PLA2G5: variants seen among roughly 807,000 people sequenced by gnomAD.
The protein encoded by PLA2G5 is phospholipase A2 group V, also known as Ca2+-dependent phospholipase A2.
Under a neutral mutation model 15.9 loss-of-function variants are expected in PLA2G5, and 12 were observed. That is an observed-to-expected ratio of 0.76 (90% CI 0.48 to 1.23). The LOEUF (loss-of-function observed/expected upper bound fraction) is 1.23, where lower values mean the gene tolerates loss of function less well. Ranked by LOEUF, PLA2G5 falls within the 50% of genes most tolerant of loss-of-function variation. The pLI is 0.00. For synonymous variants in PLA2G5, 71 were observed against 71.4 expected (o/e 0.99, Z 0.03); for missense variants, 169 against 177.1 (o/e 0.95, Z 0.26).
At chr1:20,067,243 C>T (rs2015081821), upstream of PLA2G5, among the ~76,000 whole-genome samples, 1 of 152,162 alleles carries the variant, frequency 6.6e-6, no homozygotes, top group Non-Finnish European at 1.5e-5. Flanking sequence ...GATCCCACCT[C>T]AGTCTCCCAA....
intron 1 of PLA2G5, among the ~76,000 whole-genome samples, chr1:20,030,643 G>A (rs1357505083): frequency 6.6e-6 from 1 of 152,094 alleles, no homozygotes; most frequent in African/African-American, 2.4e-5. Context: ...TTCCCATGAG[G>A]CCATAGCTCA....
At chr1:20,051,753 A>G (rs1394044899) in intron 1 of PLA2G5, among the ~76,000 whole-genome samples, 1 of 152,190 alleles carries the variant, frequency 6.6e-6, no homozygotes, top group Non-Finnish European at 1.5e-5. Context: ...TGGAGCCAAT[A>G]AAAGCCCCTT....
intron 1 of PLA2G5, among the ~76,000 whole-genome samples, chr1:20,078,761 A>C (rs1459413524): frequency 1.3e-5 from 2 of 152,162 alleles, no homozygotes; most frequent in African/African-American, 4.8e-5. Context: ...CTACCATGAC[A>C]AGAGAGAGGG....
At chr1:20,034,004 G>A (rs929656203) in intron 1 of PLA2G5, among the ~76,000 whole-genome samples, 3 of 152,112 alleles carry the variant, frequency 2.0e-5, no homozygotes, top group Non-Finnish European at 4.4e-5. Flanking sequence ...TGGTTGATTT[G>A]GGACGGCCAA....
At chr1:20,079,794 T>C (rs1176534011) in intron 1 of PLA2G5, among the ~76,000 whole-genome samples, 1 of 152,222 alleles carries the variant, frequency 6.6e-6, no homozygotes, top group Admixed American at 6.5e-5. Context: ...ACTAAGTGGC[T>C]GAGCTGGGAC....
intron 1 of PLA2G5, among the ~76,000 whole-genome samples, chr1:20,082,431 G>T (rs2016081611): frequency 6.6e-6 from 1 of 151,818 alleles, no homozygotes. Flanking sequence ...TCATATACCA[G>T]TTAAATGCCG....
chr1:20,086,021 A>T, intron 2 of PLA2G5, 62 bp from the exon 3 acceptor site: 2 of 1,572,308 alleles, frequency 1.3e-6, no homozygotes, highest in Non-Finnish European at 1.7e-6. Flanking sequence ...GATGTTGGGC[A>T]GTGGGCCTAA....
chr1:20,059,936 T>G (rs539297033), intron 2 of PLA2G5, among the ~76,000 whole-genome samples: 22 of 152,320 alleles, frequency 1.4e-4, no homozygotes, highest in Admixed American at 3.9e-4. Flanking sequence ...GATGTGACTC[T>G]GGGAGTCTTT....
intron 1 of PLA2G5, among the ~76,000 whole-genome samples, chr1:20,081,223 T>G (rs1557751773): frequency 6.6e-6 from 1 of 151,738 alleles, no homozygotes; most frequent in Non-Finnish European, 1.5e-5. Context: ...TTAAAATAGC[T>G]GAGTCCACAT....
chr1:20,082,132 A>G lies in PLA2G5; in HGVS notation c.-10-2689A>G, dbSNP rs553860261. On this transcript the variant is annotated intron_variant, in intron 1 of 4. Coordinates refer to ENST00000375108, the MANE Select transcript of PLA2G5 (RefSeq NM_000929.3). Reference sequence around the variant, plus strand: ...AAGTGAAAGCTTATTAAAAAGCTTTAGAGCAGGGATGAAAAGAAGTAAAGT... The same window carrying G: ...AAGTGAAAGCTTATTAAAAAGCTTTGGAGCAGGGATGAAAAGAAGTAAAGT... Among the ~76,000 whole-genome samples the G allele has an allele frequency of 3.9e-5, 6 of 152,110 alleles. No individual in the cohort carries two copies. In the South Asian group the frequency reaches 6.2e-4, roughly 16 times the overall value.
chr1:20,064,176 A>G (rs574690596), intron 2 of PLA2G5, among the ~76,000 whole-genome samples: 46 of 152,360 alleles, frequency 3.0e-4, no homozygotes, highest in Non-Finnish European at 6.0e-4. Context: ...GATATGACTC[A>G]GGATGAAACA....
intron 1 of PLA2G5, among the ~76,000 whole-genome samples, chr1:20,056,433 G>A (rs1465700887): frequency 6.6e-6 from 1 of 151,956 alleles, no homozygotes; most frequent in East Asian, 1.9e-4. Context: ...AATAAATGCT[G>A]GACTTTGTAA....
intron 2 of PLA2G5, among the ~76,000 whole-genome samples, chr1:20,060,063 C>T (rs1354724509): frequency 1.3e-5 from 2 of 151,974 alleles, no homozygotes; most frequent in Non-Finnish European, 2.9e-5. Flanking sequence ...GTGAGAAAAG[C>T]CCAGCCCAGT....
chr1:20,030,764 G>A (rs140448438), intron 1 of PLA2G5, among the ~76,000 whole-genome samples: 13 of 152,256 alleles, frequency 8.5e-5, no homozygotes, highest in African/African-American at 3.1e-4. Context: ...CTAGAGAATG[G>A]TGATGACTTT....
At chr1:20,060,097 G>T (rs973320474) in intron 2 of PLA2G5, among the ~76,000 whole-genome samples, 1 of 152,108 alleles carries the variant, frequency 6.6e-6, no homozygotes, top group Non-Finnish European at 1.5e-5. Context: ...TGAAACATAG[G>T]TTGGAGGTCA....
At chr1:20,030,067 G>A (rs1028938909) in intron 1 of PLA2G5, among the ~76,000 whole-genome samples, 1 of 152,204 alleles carries the variant, frequency 6.6e-6, no homozygotes, top group East Asian at 1.9e-4. Flanking sequence ...GCTATTTCTC[G>A]TCAGGTGGGA....
chr1:20,074,224 C>T (rs532562645), intron 1 of PLA2G5, among the ~76,000 whole-genome samples: 18 of 152,240 alleles, frequency 1.2e-4, no homozygotes, highest in African/African-American at 4.3e-4. Flanking sequence ...AATTCGAGAG[C>T]ACAGAATGTC....
intron 1 of PLA2G5, among the ~76,000 whole-genome samples, chr1:20,037,518 G>C (rs533506159): frequency 6.6e-6 from 1 of 152,308 alleles, no homozygotes; most frequent in Non-Finnish European, 1.5e-5. Context: ...TGGTGTGCTG[G>C]TTTTCTTGAA....
intron 1 of PLA2G5, among the ~76,000 whole-genome samples, chr1:20,033,570 T>A (rs2013086701): frequency 6.6e-6 from 1 of 152,168 alleles, no homozygotes; most frequent in Admixed American, 6.5e-5. Flanking sequence ...GCCAGCAATG[T>A]GGCCACACCC....
Sources: allele counts gnomAD v4.1 joint callset (sites outside exome capture counted in the v4.1 genomes callset), GRCh38; gene constraint gnomAD v4.1.1; transcripts MANE v1.5; gene names NCBI Gene and HGNC (gene_info 2026-07-23, HGNC 2026-07-21).